CLDN8: variants seen among roughly 807,000 people sequenced by gnomAD.
The protein encoded by CLDN8 is claudin-8.
In CLDN8, 2 loss-of-function variants were observed where a neutral mutation model predicts 2.2. The observed-to-expected ratio is 0.90, with a 90% CI of 0.37 to 2.82. CLDN8 has a LOEUF of 2.82. Ranked by LOEUF, CLDN8 falls within the 30% of genes most tolerant of loss-of-function variation. The pLI, the probability that CLDN8 is intolerant of heterozygous loss-of-function variation, is 0.10. For missense variants in CLDN8, 314 were observed against 280.5 expected, an observed-to-expected ratio of 1.12 and a Z score of -0.85; for synonymous variants, 107 against 104.8, an observed-to-expected ratio of 1.02 and a Z score of -0.13.
chr21:30,215,545 G>A lies in CLDN8; in HGVS notation c.381C>T (p.Ile127=). The change falls in exon 1 of 1, where the codon ATC becomes ATT. Residue 127 remains isoleucine (I), a synonymous_variant. Coordinates refer to ENST00000399899, the MANE Select transcript of CLDN8 (RefSeq NM_199328.3). The part of the protein sequence containing the change: ...HILLTAGIIF[I]ITGMVVLIPV... ...GGATGAGCACCACCATGCCCGTGATGATGAAGATGATTCCAGCCGTCAGCA... is the reference window on the plus strand; with the variant it reads ...GGATGAGCACCACCATGCCCGTGATAATGAAGATGATTCCAGCCGTCAGCA... The A allele has an allele frequency of 6.2e-7, 1 of 1,614,084 alleles. No homozygotes were observed. The highest frequency in any genetic ancestry group is 1.3e-5 in the African/African-American group (1 of 75,030).
Position 30,215,896 on chromosome 21 carries a change from C to T in CLDN8, c.30G>A (p.Gly10=), listed in dbSNP as rs1337945344. 6.2e-7 allele frequency: 1 copy of T among 1,609,610 alleles called. No individual in the cohort carries two copies. Among genetic ancestry groups the T allele is most frequent in the East Asian group, 2.2e-5 (1 of 44,852 alleles). ...CCATTCCAACACCACCAAGAAACAG[C>T]CCAGCGATTTCTAAGGCATGGGTTG... MATHALEIA[G]LFLGGVGMVG... is the part of the protein sequence containing the mutation. Residue 10 remains glycine (G), a synonymous_variant, in exon 1 of 1, where the codon GGG becomes GGA. Transcript: ENST00000399899.
chr21:30,214,753 G>C lies in CLDN8; in HGVS notation c.*495C>G, dbSNP rs1257073785. On this transcript the variant is annotated 3_prime_UTR_variant, in exon 1 of 1. Coordinates refer to ENST00000399899, the MANE Select transcript of CLDN8 (RefSeq NM_199328.3). ...AATGGAGGACATTAATCCCTAAGCTGTTTTTAAACAATTAATAGTAACCTT... is the reference window on the plus strand; with the variant it reads ...AATGGAGGACATTAATCCCTAAGCTCTTTTTAAACAATTAATAGTAACCTT... 1 of 153,638 alleles carries C rather than the reference G, an allele frequency of 6.5e-6. No homozygotes were observed. Among genetic ancestry groups the C allele is most frequent in the Non-Finnish European group, 1.5e-5 (1 of 68,830 alleles). 9.5% of individuals were successfully genotyped at this position (153,638 alleles called of 1,614,324 possible). A position where few individuals can be genotyped will look rare whatever the true frequency, so the allele number is the denominator to read the frequency against.
rs764714350 is a variant in CLDN8, at chr21:30,215,501, T to C, written c.425A>G (p.Asn142Ser). The change falls in exon 1 of 1, where the codon AAT (asparagine) becomes AGT (serine). Residue 142 changes from asparagine to serine, a missense_variant. Coordinates refer to ENST00000399899, the MANE Select transcript of CLDN8 (RefSeq NM_199328.3). Reference sequence around the variant, plus strand: ...GTTATAGAAATCTCTGATGATGGCATTGGCAACCCAGCTCACAGGGATGAG... The same window carrying C: ...GTTATAGAAATCTCTGATGATGGCACTGGCAACCCAGCTCACAGGGATGAG... ...VVLIPVSWVA[N>S]AIIRDFYNSI... 9 of 1,613,958 alleles carry C rather than the reference T, an allele frequency of 5.6e-6. No homozygotes were observed. The Admixed American group carries it at 8.3e-5, about 15-fold the overall frequency.
At position 30,215,464 on chromosome 21, in the gene CLDN8, A is replaced by G; in HGVS notation, c.462T>C (p.Asn154=). ...CTCCAAGCTCACGTTTTTGGGCAAC[A>G]TTCACTATTGAGTTATAGAAATCTC... ...IIRDFYNSIV[N]VAQKRELGEA... The change falls in exon 1 of 1, where the codon AAT becomes AAC. Residue 154 remains asparagine (N), a synonymous_variant. Transcript: ENST00000399899. The G allele has an allele frequency of 6.2e-7, 1 of 1,614,068 alleles. No homozygotes were observed. The highest frequency in any genetic ancestry group is 8.5e-7 in the Non-Finnish European group (1 of 1,179,974).
Position 30,216,007 on chromosome 21 carries a change from G to A in CLDN8, c.-82C>T, listed in dbSNP as rs1557296. The A allele has an allele frequency of 7.8e-7, 1 of 1,285,702 alleles. No homozygotes were observed. The highest frequency in any genetic ancestry group is 2.5e-5 in the Admixed American group (1 of 40,726). 79.6% of individuals were successfully genotyped at this position (1,285,702 alleles called of 1,614,324 possible). ...AAGCAGGGTTCTCTGTGCCACAGAAGAGAACAGTTTTTCCTGTAGTAATGA... is the reference window on the plus strand; with the variant it reads ...AAGCAGGGTTCTCTGTGCCACAGAAAAGAACAGTTTTTCCTGTAGTAATGA... On this transcript the variant is annotated 5_prime_UTR_variant, in exon 1 of 1. Transcript: ENST00000399899.
rs752342346 is a variant in CLDN8, at chr21:30,215,183, G to A, written c.*65C>T. On this transcript the variant is annotated 3_prime_UTR_variant, in exon 1 of 1. Coordinates refer to ENST00000399899, the MANE Select transcript of CLDN8 (RefSeq NM_199328.3). ...TCAAAGTTTCTTTGGGGTCCATTTT[G>A]AGAAAGTAATATAGATTTTTGTCAT... The A allele has an allele frequency of 3.6e-6, 5 of 1,402,340 alleles. No homozygotes were observed. In the South Asian group the frequency reaches 3.8e-5, roughly 11 times the overall value. 86.9% of individuals were successfully genotyped at this position (1,402,340 alleles called of 1,614,324 possible).
Position 30,215,393 on chromosome 21 carries a change from C to G in CLDN8, c.533G>C (p.Gly178Ala), listed in dbSNP as rs1978930201. Residue 178 changes from glycine (G) to alanine (A), a missense_variant, in exon 1 of 1, where the codon GGA (glycine) becomes GCA (alanine). By Grantham distance (60) the Gly-to-Ala change is moderately conservative. Coordinates refer to ENST00000399899, the MANE Select transcript of CLDN8 (RefSeq NM_199328.3). ...GWTTALVLIV[G>A]GALFCCVFCC... ...AAAAACGCAGCAGAACAGAGCTCCT[C>G]CAACAATCAGCACCAGTGCCGTGGT... 3 of 1,614,100 alleles carry G rather than the reference C, an allele frequency of 1.9e-6. No homozygotes were observed. In the East Asian group the frequency reaches 6.7e-5, roughly 36 times the overall value.
In CLDN8 at chr21:30,216,031, G is replaced by C. The variant is rs926579756; in HGVS notation, c.-106C>G. 1.0e-6 allele frequency: 1 copy of C among 987,844 alleles called. No individual in the cohort carries two copies. 61.2% of individuals were successfully genotyped at this position (987,844 alleles called of 1,614,324 possible). The stretch of plus-strand genomic sequence containing the variant: ...AGAGAACAGTTTTTCCTGTAGTAAT[G>C]AACTCGGAACCCAGTGGTTTTTCAA... On this transcript the variant is annotated 5_prime_UTR_variant, in exon 1 of 1. Transcript: ENST00000399899.
Position 30,216,034 on chromosome 21 carries a change from C to T in CLDN8, c.-109G>A. ...GAACAGTTTTTCCTGTAGTAATGAA[C>T]TCGGAACCCAGTGGTTTTTCAAATA... On this transcript the variant is annotated 5_prime_UTR_variant, in exon 1 of 1. Transcript: ENST00000399899. The T allele has an allele frequency of 1.0e-6, 1 of 979,210 alleles. No individual in the cohort carries two copies. The highest frequency in any genetic ancestry group is 1.5e-6 in the Non-Finnish European group (1 of 665,342). 60.7% of individuals were successfully genotyped at this position (979,210 alleles called of 1,614,324 possible).
chr21:30,215,046 GA>G lies in CLDN8; in HGVS notation c.*201del. ...AGAAAACAAATTACTATACTTTCTA[GA>G]ACAATCAAAGCATTGGGTTTAATAT... On this transcript the variant is annotated 3_prime_UTR_variant, in exon 1 of 1. Coordinates refer to ENST00000399899, the MANE Select transcript of CLDN8 (RefSeq NM_199328.3). The G allele has an allele frequency of 1.8e-6, 1 of 560,358 alleles. No homozygotes were observed. Among genetic ancestry groups the G allele is most frequent in the South Asian group, 2.4e-5 (1 of 40,884 alleles). The allele number at this position is 560,358 out of a possible 1,614,324, so 34.7% of individuals were successfully genotyped here.
Position 30,215,955 on chromosome 21 carries a change from G to T in CLDN8, c.-30C>A. The T allele has an allele frequency of 3.9e-6, 6 of 1,556,396 alleles. No homozygotes were observed. Among genetic ancestry groups the T allele is most frequent in the Non-Finnish European group, 5.2e-6 (6 of 1,148,902 alleles). The stretch of plus-strand genomic sequence containing the variant: ...CTCTGGGATGAGTTTTAGCCAGCTG[G>T]ACTCCGGAACTGCTACTTCTGCTTT... On this transcript the variant is annotated 5_prime_UTR_variant, in exon 1 of 1. Coordinates refer to ENST00000399899, the MANE Select transcript of CLDN8 (RefSeq NM_199328.3).
Position 30,215,158 on chromosome 21 carries a change from T to C in CLDN8, c.*90A>G, listed in dbSNP as rs562419430. ...AGATTAGGCAGTTAAGAACAGTAAA[T>C]CAAAGTTTCTTTGGGGTCCATTTTG... On this transcript the variant is annotated 3_prime_UTR_variant, in exon 1 of 1. Coordinates refer to ENST00000399899, the MANE Select transcript of CLDN8 (RefSeq NM_199328.3). The C allele has an allele frequency of 9.1e-7, 1 of 1,096,960 alleles. No homozygotes were observed. The highest frequency in any genetic ancestry group is 1.5e-5 in the South Asian group (1 of 66,922). The allele number at this position is 1,096,960 out of a possible 1,614,324, so 68.0% of individuals were successfully genotyped here.
chr21:30,215,064 G>A lies in CLDN8; in HGVS notation c.*184C>T, dbSNP rs9647055. The A allele has an allele frequency of 0.2, 115,088 of 581,290 alleles. 12,566 individuals carry two copies. The highest frequency in any genetic ancestry group is 0.4 in the East Asian group (14,201 of 35,358). 36.0% of individuals were successfully genotyped at this position (581,290 alleles called of 1,614,324 possible). A position where few individuals can be genotyped will look rare whatever the true frequency, so the allele number is the denominator to read the frequency against. On this transcript the variant is annotated 3_prime_UTR_variant, in exon 1 of 1. Transcript: ENST00000399899. ...CTTTCTAGAACAATCAAAGCATTGGGTTTAATATCTCATTCTGCTGAAATA... is the reference window on the plus strand; with the variant it reads ...CTTTCTAGAACAATCAAAGCATTGGATTTAATATCTCATTCTGCTGAAATA...
At position 30,215,603 on chromosome 21, in the gene CLDN8, G is replaced by A. The variant is rs1230558463; in HGVS notation, c.323C>T (p.Thr108Met). The part of the protein sequence containing the change: ...AILGMKCTRC[T>M]GDNEKVKAHI... ...AGCCTTCACCTTCTCATTGTCCCCC[G>A]TGCACCTGGTGCATTTCATGCCAAG... The change falls in exon 1 of 1, where the codon ACG (threonine) becomes ATG (methionine). Residue 108 changes from threonine (T) to methionine (M), a missense_variant. Transcript: ENST00000399899. 4 of 1,613,984 alleles carry A rather than the reference G, an allele frequency of 2.5e-6. No individual in the cohort carries two copies. The highest frequency in any genetic ancestry group is 2.2e-5 in the South Asian group (2 of 91,062).
Position 30,215,847 on chromosome 21 carries a change from T to G in CLDN8, c.79A>C (p.Met27Leu). 2 of 1,614,020 alleles carry G rather than the reference T, an allele frequency of 1.2e-6. No individual in the cohort carries two copies. The highest frequency in any genetic ancestry group is 1.7e-6 in the Non-Finnish European group (2 of 1,179,926). The change falls in exon 1 of 1, where the codon ATG becomes CTG. Residue 27 changes from methionine to leucine, a missense_variant. By Grantham distance (15) the Met-to-Leu change is conservative. Coordinates refer to ENST00000399899, the MANE Select transcript of CLDN8 (RefSeq NM_199328.3). ...AAGGCCGACACTCTCCACTGAGGCA[T>G]GACAGTGACAGCCACTGTGCCCACC... ...GMVGTVAVTV[M>L]PQWRVSAFIE...
rs986146479 is a variant in CLDN8 at position 30,214,790 on chromosome 21, T to C, written c.*458A>G. 1 of 155,724 alleles carries C rather than the reference T, an allele frequency of 6.4e-6. No individual in the cohort carries two copies. The highest frequency in any genetic ancestry group is 1.4e-5 in the Non-Finnish European group (1 of 70,072). 9.6% of individuals were successfully genotyped at this position (155,724 alleles called of 1,614,324 possible). A position where few individuals can be genotyped will look rare whatever the true frequency, so the allele number is the denominator to read the frequency against. On this transcript the variant is annotated 3_prime_UTR_variant, in exon 1 of 1. Coordinates refer to ENST00000399899, the MANE Select transcript of CLDN8 (RefSeq NM_199328.3). ...TTAATAGTAACCTTCTTCAACCCTA[T>C]CCATGATTTCCCTGAAAAGCAATAG...
chr21:30,215,112 G>C lies in CLDN8; in HGVS notation c.*136C>G, dbSNP rs1252282832. The C allele has an allele frequency of 6.0e-6, 4 of 669,120 alleles. No homozygotes were observed. The highest frequency in any genetic ancestry group is 1.0e-5 in the Non-Finnish European group (4 of 390,046). The allele number at this position is 669,120 out of a possible 1,614,324, so 41.4% of individuals were successfully genotyped here. ...ATAGCTTATAGAATCATAAATAGCTGATGCACAGTTCCTGTAATTAAGATT... is the reference window on the plus strand; with the variant it reads ...ATAGCTTATAGAATCATAAATAGCTCATGCACAGTTCCTGTAATTAAGATT... On this transcript the variant is annotated 3_prime_UTR_variant, in exon 1 of 1. Transcript: ENST00000399899.
In CLDN8 at chr21:30,214,199, T is replaced by C. The variant is rs1036822687; in HGVS notation, c.*1049A>G. ...AAACAGAAATGGTACAAGAAGGAAA[T>C]TTATTTTTCACAGAACAAAAATGAC... On this transcript the variant is annotated 3_prime_UTR_variant, in exon 1 of 1. Coordinates refer to ENST00000399899, the MANE Select transcript of CLDN8 (RefSeq NM_199328.3). 4 of 152,062 alleles carry C rather than the reference T, an allele frequency of 2.6e-5. No individual in the cohort carries two copies. Among genetic ancestry groups the C allele is most frequent in the Non-Finnish European group, 5.9e-5 (4 of 67,978 alleles). 9.4% of individuals were successfully genotyped at this position (152,062 alleles called of 1,614,324 possible).
Position 30,214,576 on chromosome 21 carries a change from G to C in CLDN8, c.*672C>G, listed in dbSNP as rs1036511638. ...GACAAAATATCTGCTTTTTAAAAAT[G>C]TTAATTTAATACACAAGAAAAAAAA... On this transcript the variant is annotated 3_prime_UTR_variant, in exon 1 of 1. Transcript: ENST00000399899. The C allele has an allele frequency of 2.0e-5, 3 of 151,526 alleles. No individual in the cohort carries two copies. The highest frequency in any genetic ancestry group is 6.6e-5 in the Admixed American group (1 of 15,210). The allele number at this position is 151,526 out of a possible 1,614,324, so 9.4% of individuals were successfully genotyped here.
Sources: gnomAD v4.1 joint callset for allele counts on GRCh38, gnomAD v4.1.1 for gene constraint, MANE v1.5 for transcripts, NCBI Gene and HGNC (gene_info 2026-07-23, HGNC 2026-07-21) for gene names.